INTS6: variants seen among roughly 807,000 people sequenced by gnomAD.
INTS6 encodes the protein DEAD box protein.
Under a neutral mutation model 104.9 loss-of-function variants are expected in INTS6, and 16 were observed. The observed-to-expected ratio is 0.15, with a 90% confidence interval of 0.10 to 0.23. The LOEUF (loss-of-function observed/expected upper bound fraction) is 0.23. INTS6 is among the 10% of genes least tolerant of loss of function. The pLI is 1.00. For missense variants in INTS6, 584 were observed against 1,062.8 expected (o/e 0.55, Z 6.26); for synonymous variants, 324 against 358.7 (o/e 0.90, Z 1.09).
downstream of INTS6, among the ~76,000 whole-genome samples, chr13:51,357,674 C>T (rs12428053): frequency 6.6e-6 from 1 of 151,932 alleles, no homozygotes; most frequent in Admixed American, 6.6e-5. Context: ...AGTTCCCCCC[C>T]AGTCTCCTTG....
Position 51,452,929 on chromosome 13 carries a change from G to GA in INTS6, c.-405dup. The GA allele has an allele frequency of 1.9e-6, 2 of 1,074,334 alleles. No homozygotes were observed. The highest frequency in any genetic ancestry group is 2.4e-5 in the South Asian group (1 of 41,528). The allele number at this position is 1,074,334 out of a possible 1,614,324, so 66.6% of individuals were successfully genotyped here. ...GGGACCTGGGAGCTGGCGAAGAGGG[G>GA]AGTGGGCTGAGGGAAGATTGGCCCT... is the stretch of plus-strand genomic sequence containing the variant. On this transcript the variant is annotated 5_prime_UTR_variant, in exon 1 of 18. Transcript: ENST00000311234. The surrounding 1 kb of genome is among the most constrained non-coding windows in gnomAD (Gnocchi z 4.2).
At position 51,378,468 on chromosome 13, in the gene INTS6, A is replaced by G; in HGVS notation, c.1387-14T>C. ...TTCTATTTTGGCCTAAAGTAAAAAT[A>G]AGTCAGAATTATCTTGATAAAATCT... On this transcript the variant is annotated splice_polypyrimidine_tract_variant and intron_variant, in intron 11 of 17. Transcript: ENST00000311234. The G allele has an allele frequency of 1.3e-6, 2 of 1,557,360 alleles. No individual in the cohort carries two copies. Among genetic ancestry groups the G allele is most frequent in the Non-Finnish European group, 1.8e-6 (2 of 1,130,402 alleles).
intron 4 of INTS6, among the ~76,000 whole-genome samples, chr13:51,426,729 C>T (rs909208657): frequency 6.6e-6 from 1 of 151,948 alleles, no homozygotes; most frequent in South Asian, 2.1e-4. Context: ...TCATGGAACA[C>T]TGAATAAGAA....
chr13:51,430,161 C>T (rs1487010875), intron 4 of INTS6, 133 bp downstream of exon 4: 2 of 685,840 alleles, frequency 2.9e-6, no homozygotes, highest in Non-Finnish European at 5.0e-6. Flanking sequence ...AAAGATGGGC[C>T]ATAGGAGACA....
downstream of INTS6, among the ~76,000 whole-genome samples, chr13:51,353,822 C>G (rs1955437243): frequency 6.6e-6 from 1 of 152,284 alleles, no homozygotes; most frequent in African/African-American, 2.4e-5. Context: ...TTTTTACTCT[C>G]CTGCAAGTTC....
At chr13:51,347,268 A>C in the INTS6 span, 1 of 1,591,420 alleles carries the variant, frequency 6.3e-7, no homozygotes, top group Admixed American at 1.7e-5. Context: ...GTCTAAAGGG[A>C]GAGGAAGCCT....
chr13:51,435,554 T>C lies in INTS6; in HGVS notation c.340-5171A>G, dbSNP rs1957171594. On this transcript the variant is annotated intron_variant, in intron 3 of 17. Coordinates refer to ENST00000311234, the MANE Select transcript of INTS6 (RefSeq NM_012141.3). Reference sequence around the variant, plus strand: ...ATTAATGTAAACAGATATTATCTATTATAACCTATGTTATTTTTGAAAGAA... The same window carrying C: ...ATTAATGTAAACAGATATTATCTATCATAACCTATGTTATTTTTGAAAGAA... Among the ~76,000 whole-genome samples the C allele has an allele frequency of 2.0e-5, 3 of 152,172 alleles. No homozygotes were observed. In the South Asian group the frequency reaches 6.2e-4, roughly 31 times the overall value.
chr13:51,451,892 T>A, intron 2 of INTS6, 86 bp downstream of exon 2: 4 of 680,994 alleles, frequency 5.9e-6, no homozygotes, highest in Admixed American at 3.0e-5. Context: ...GGGAGCATAA[T>A]GAAGGGTGAA....
At chr13:51,407,749 C>T (rs987101573) in intron 4 of INTS6, among the ~76,000 whole-genome samples, 1 of 152,044 alleles carries the variant, frequency 6.6e-6, no homozygotes, top group Admixed American at 6.5e-5. Flanking sequence ...TGTTTCTGTA[C>T]GGTATGGCCA....
chr13:51,411,900 A>G (rs1427548200), intron 4 of INTS6, among the ~76,000 whole-genome samples: 2 of 152,244 alleles, frequency 1.3e-5, no homozygotes, highest in African/African-American at 4.8e-5. Context: ...ATAATGGTCA[A>G]AAAACCCAAA....
In INTS6 at chr13:51,382,054, T is replaced by C; in HGVS notation, c.1250A>G (p.Lys417Arg). 6.2e-7 allele frequency: 1 copy of C among 1,611,266 alleles called. No individual in the cohort carries two copies. The highest frequency in any genetic ancestry group is 8.5e-7 in the Non-Finnish European group (1 of 1,178,528). Reference sequence around the variant, plus strand: ...CCCAAGATAGTAGGGAGGCATTGTCTTCAAATAACTTTCAAATGACTGTCT... The same window carrying C: ...CCCAAGATAGTAGGGAGGCATTGTCCTCAAATAACTTTCAAATGACTGTCT... Reference protein sequence around the residue: ...KWRQSFESYLKTMPPYYLGPL... With the variant: ...KWRQSFESYLRTMPPYYLGPL... The change falls in exon 10 of 18, where the codon AAG becomes AGG. Residue 417 changes from lysine (K) to arginine (R), a missense_variant. Around this residue, in one of 5 missense-constraint regions of INTS6, gnomAD observed 144 missense variants for 348.7 expected, o/e 0.41. Coordinates refer to ENST00000311234, the MANE Select transcript of INTS6 (RefSeq NM_012141.3).
At chr13:51,389,570 T>A in intron 5 of INTS6, 126 bp from the exon 6 acceptor site, 3 of 844,496 alleles carry the variant, frequency 3.6e-6, no homozygotes, top group Non-Finnish European at 5.0e-6. Flanking sequence ...TAACAAAAGT[T>A]CAATGGTAAA....
chr13:51,452,784 A>T lies in INTS6; in HGVS notation c.-259T>A. Reference sequence around the variant, plus strand: ...TGCCTGCCCGCTGGGGCGGGCGCCCAGCCGTCTGTCTGTCGGTTCGTCCCC... The same window carrying T: ...TGCCTGCCCGCTGGGGCGGGCGCCCTGCCGTCTGTCTGTCGGTTCGTCCCC... On this transcript the variant is annotated 5_prime_UTR_variant, in exon 1 of 18. Transcript: ENST00000311234. This position sits in a 1 kb window ranked among gnomAD's most constrained non-coding sequence, Gnocchi z 4.2. 1 of 1,204,318 alleles carries T rather than the reference A, an allele frequency of 8.3e-7. No individual in the cohort carries two copies. Among genetic ancestry groups the T allele is most frequent in the South Asian group, 1.8e-5 (1 of 55,212 alleles). The allele number at this position is 1,204,318 out of a possible 1,614,324, so 74.6% of individuals were successfully genotyped here. A position where few individuals can be genotyped will look rare whatever the true frequency, so the allele number is the denominator to read the frequency against.
chr13:51,430,328 C>T lies in INTS6; in HGVS notation c.395G>A (p.Ser132Asn), dbSNP rs374246821. 6.2e-7 allele frequency: 1 copy of T among 1,613,334 alleles called. No individual in the cohort carries two copies. The highest frequency in any genetic ancestry group is 8.5e-7 in the Non-Finnish European group (1 of 1,179,778). Reference protein sequence around the residue: ...PAIIITITDGSKLTTTSGVQD... With the variant: ...PAIIITITDGNKLTTTSGVQD... ...GACTCCACTGGTGGTAGTCAACTTGCTCCCATCAGTAATTGTGATAATTAT... is the reference window on the plus strand; with the variant it reads ...GACTCCACTGGTGGTAGTCAACTTGTTCCCATCAGTAATTGTGATAATTAT... Residue 132 changes from serine to asparagine, a missense_variant, in exon 4 of 18, where the codon AGC (serine) becomes AAC (asparagine). Ser to Asn is a conservative substitution (Grantham distance 46, BLOSUM62 1). Around this residue, in one of 5 missense-constraint regions of INTS6, gnomAD observed 70 missense variants for 190.3 expected, o/e 0.37. Coordinates refer to ENST00000311234, the MANE Select transcript of INTS6 (RefSeq NM_012141.3).
chr13:51,394,630 T>C (rs1359146025), intron 5 of INTS6, among the ~76,000 whole-genome samples: 2 of 152,144 alleles, frequency 1.3e-5, no homozygotes, highest in Non-Finnish European at 2.9e-5. Context: ...AAATGCTCCA[T>C]GAAACCAAAA....
chr13:51,407,400 G>T (rs1956588867), intron 4 of INTS6, among the ~76,000 whole-genome samples: 1 of 152,158 alleles, frequency 6.6e-6, no homozygotes, highest in Non-Finnish European at 1.5e-5. Flanking sequence ...CACTCAAGTG[G>T]TATGCTTTAA....
At chr13:51,352,279 T>G (rs1428344593), downstream of INTS6, among the ~76,000 whole-genome samples, 1 of 152,156 alleles carries the variant, frequency 6.6e-6, no homozygotes, top group African/African-American at 2.4e-5. Flanking sequence ...TTTCTTTGTT[T>G]CTTTCAACAA....
At chr13:51,358,035 A>C (rs1314974773), downstream of INTS6, among the ~76,000 whole-genome samples, 3 of 152,242 alleles carry the variant, frequency 2.0e-5, no homozygotes, top group Non-Finnish European at 2.9e-5. Context: ...ATTGCAATAG[A>C]AAGAGGTGCA....
At chr13:51,417,000 T>C (rs1334387731) in intron 4 of INTS6, among the ~76,000 whole-genome samples, 3 of 152,238 alleles carry the variant, frequency 2.0e-5, no homozygotes, top group Non-Finnish European at 2.9e-5. Context: ...TTTCATGTAC[T>C]TACTAGCCAT....
Sources: allele counts gnomAD v4.1 joint callset (sites outside exome capture counted in the v4.1 genomes callset), GRCh38; gene constraint gnomAD v4.1.1; regional missense constraint gnomAD v4.1.1; non-coding constraint Gnocchi (gnomAD v3.1); transcripts MANE v1.5; gene names NCBI Gene and HGNC (gene_info 2026-07-23, HGNC 2026-07-21).